VMP1: variants seen among roughly 807,000 people sequenced by gnomAD.
The protein encoded by VMP1 is ectopic P-granules autophagy protein 3 homolog.
VMP1 carries 11 observed loss-of-function variants against 56.0 expected under a neutral mutation model. The ratio of observed to expected loss-of-function variants is 0.20; its 90% CI spans 0.12 to 0.32. The LOEUF is 0.32. Among genes scored for constraint, VMP1 ranks in the 10% least tolerant of loss-of-function variants. The pLI is 1.00. For missense variants in VMP1, 296 were observed against 490.3 expected (o/e 0.60, Z 3.74); for synonymous variants, 149 against 165.0 (o/e 0.90, Z 0.74).
At chr17:59,723,885 G>C (rs1488285688) in intron 1 of VMP1, among the ~76,000 whole-genome samples, 3 of 152,142 alleles carry the variant, frequency 2.0e-5, no homozygotes, top group Non-Finnish European at 2.9e-5. Flanking sequence ...ATAGTAGTGG[G>C]ATTGGTGAAT....
rs190784384 is a variant in VMP1 at position 59,737,335 on chromosome 17, A to C, written c.213-118A>C. ...TCCAAGAGGCCATGATGTGTAAGGA[A>C]AAGAGCTCAGCCCAGCTGAGCTAGG... On this transcript the variant is annotated intron_variant, in intron 3 of 11. Transcript: ENST00000262291. 9.2e-3 allele frequency: 8,438 copies of C among 920,452 alleles called. 65 individuals carry two copies. The highest frequency in any genetic ancestry group is 9.9e-3 in the Non-Finnish European group (6,239 of 631,378). The allele number at this position is 920,452 out of a possible 1,614,324, so 57.0% of individuals were successfully genotyped here. A position where few individuals can be genotyped will look rare whatever the true frequency, so the allele number is the denominator to read the frequency against.
At chr17:59,749,605 G>A (rs1341816541) in intron 5 of VMP1, among the ~76,000 whole-genome samples, 1 of 151,852 alleles carries the variant, frequency 6.6e-6, no homozygotes, top group African/African-American at 2.4e-5. Flanking sequence ...CCACCTCGTG[G>A]GTTCAAGTGA....
intron 7 of VMP1, among the ~76,000 whole-genome samples, chr17:59,779,655 A>G (rs1194752205): frequency 2.6e-5 from 4 of 152,140 alleles, no homozygotes; most frequent in Admixed American, 1.3e-4. Context: ...CCAGTTGTGT[A>G]TTACTGAGTA....
chr17:59,768,908 G>A (rs111879183), intron 6 of VMP1, among the ~76,000 whole-genome samples: 18,475 of 151,852 alleles, frequency 0.12, 1,243 homozygotes, highest in Middle Eastern at 0.24. Context: ...CTCACTTGAG[G>A]TCAGGTGTTC....
rs910444975 is a variant in VMP1, at chr17:59,840,693, T to A, written c.*782T>A. 6.6e-6 allele frequency: 1 copy of A among 152,516 alleles called. No individual in the cohort carries two copies. The highest frequency in any genetic ancestry group is 2.4e-5 in the African/African-American group (1 of 41,472). The allele number at this position is 152,516 out of a possible 1,614,324, so 9.4% of individuals were successfully genotyped here. A position where few individuals can be genotyped will look rare whatever the true frequency, so the allele number is the denominator to read the frequency against. ...CACCTACAACAAGAATTTCTTAAGC[T>A]TTCTTTTATTTGCATGAGAGAGCCA... On this transcript the variant is annotated 3_prime_UTR_variant, in exon 12 of 12. Coordinates refer to ENST00000262291, the MANE Select transcript of VMP1 (RefSeq NM_030938.5).
At position 59,796,406 on chromosome 17, in the gene VMP1, CAT is replaced by C. The variant is rs147339199; in HGVS notation, c.715-12386_715-12385del. Reference sequence around the variant, plus strand: ...TGGCATGTAGTAAACACTTTTTAAACATATACGGAATGAATGTATGAACGAAT... The same window carrying C: ...TGGCATGTAGTAAACACTTTTTAAACATACGGAATGAATGTATGAACGAAT... On this transcript the variant is annotated intron_variant, in intron 7 of 11. Coordinates refer to ENST00000262291, the MANE Select transcript of VMP1 (RefSeq NM_030938.5). Among the ~76,000 whole-genome samples, 1,040 of 152,288 alleles carry C rather than the reference CAT, an allele frequency of 6.8e-3. 12 individuals are homozygous for C. The highest frequency in any genetic ancestry group is 0.014 in the South Asian group (67 of 4,828).
chr17:59,830,158 C>T (rs1376554950), intron 10 of VMP1, among the ~76,000 whole-genome samples: 3 of 152,158 alleles, frequency 2.0e-5, no homozygotes, highest in Admixed American at 2.0e-4. Context: ...GTTGCCCAGG[C>T]TGGAGCAACA....
intron 7 of VMP1, among the ~76,000 whole-genome samples, chr17:59,790,565 G>A (rs1319018157): frequency 6.6e-6 from 1 of 152,162 alleles, no homozygotes; most frequent in African/African-American, 2.4e-5. Flanking sequence ...CGAGGCAGGT[G>A]GATCACTTGA....
intron 1 of VMP1, among the ~76,000 whole-genome samples, chr17:59,721,631 C>T (rs1191341530): frequency 6.6e-6 from 1 of 151,918 alleles, no homozygotes; most frequent in Non-Finnish European, 1.5e-5. Flanking sequence ...TGTATGTAAT[C>T]CCAGCACTTT....
chr17:59,731,750 G>C (rs2034832504), intron 2 of VMP1, among the ~76,000 whole-genome samples: 1 of 152,154 alleles, frequency 6.6e-6, no homozygotes, highest in South Asian at 2.1e-4. Flanking sequence ...ATTATTACTT[G>C]TTAATCTTAT....
intron 7 of VMP1, among the ~76,000 whole-genome samples, chr17:59,778,900 C>T (rs548570074): frequency 6.6e-6 from 1 of 152,346 alleles, no homozygotes; most frequent in Non-Finnish European, 1.5e-5. Context: ...TGGTACCATA[C>T]TCTCACACAA....
At chr17:59,790,217 C>T (rs1444112513) in intron 7 of VMP1, among the ~76,000 whole-genome samples, 2 of 152,052 alleles carry the variant, frequency 1.3e-5, no homozygotes, top group African/African-American at 2.4e-5. Context: ...TTTGCTATCT[C>T]AGGTCTTACA....
chr17:59,788,021 A>G (rs1427443248), intron 7 of VMP1, among the ~76,000 whole-genome samples: 1 of 152,206 alleles, frequency 6.6e-6, no homozygotes, highest in Non-Finnish European at 1.5e-5. Flanking sequence ...CCATGCTGTC[A>G]GTCATCAAAC....
intron 7 of VMP1, among the ~76,000 whole-genome samples, chr17:59,786,571 G>C (rs1389749052): frequency 6.6e-6 from 1 of 152,178 alleles, no homozygotes; most frequent in Non-Finnish European, 1.5e-5. Flanking sequence ...ACCTGTTTTT[G>C]ACTCTGATGA....
At chr17:59,742,578 T>C (rs1195106181) in intron 5 of VMP1, among the ~76,000 whole-genome samples, 1 of 150,626 alleles carries the variant, frequency 6.6e-6, no homozygotes, top group East Asian at 1.9e-4. Flanking sequence ...TCAGTGTAGT[T>C]TTAGGTTTAC....
Position 59,751,744 on chromosome 17 carries a change from C to CAA in VMP1, c.414+12820_414+12821dup, listed in dbSNP as rs932086949. On this transcript the variant is annotated intron_variant, in intron 5 of 11. Coordinates refer to ENST00000262291, the MANE Select transcript of VMP1 (RefSeq NM_030938.5). The stretch of plus-strand genomic sequence containing the variant: ...GGGCAACAAGAGCAAAACTCCGTCT[C>CAA]AAAAAAAAAAAAAAAAAAAAAAAAG... 7.1e-3 allele frequency among the ~76,000 whole-genome samples: 291 copies of CAA among 41,130 alleles called. 4 individuals carry two copies. Among genetic ancestry groups the CAA allele is most frequent in the East Asian group, 9.0e-3 (12 of 1,332 alleles). 27.0% of individuals were successfully genotyped at this position (41,130 alleles called of 152,430 possible).
intron 7 of VMP1, among the ~76,000 whole-genome samples, chr17:59,783,640 C>T (rs2036902150): frequency 1.3e-5 from 2 of 152,168 alleles, no homozygotes; most frequent in African/African-American, 2.4e-5. Context: ...TCCTAACAAT[C>T]GCTTTGGGTC....
chr17:59,761,224 C>G (rs916369689), intron 5 of VMP1, among the ~76,000 whole-genome samples: 2 of 152,144 alleles, frequency 1.3e-5, no homozygotes, highest in African/African-American at 2.4e-5. Flanking sequence ...TTCTTTGTGT[C>G]GATCCTGACT....
chr17:59,737,041 A>T (rs2143828365), intron 3 of VMP1, among the ~76,000 whole-genome samples: 1 of 152,348 alleles, frequency 6.6e-6, no homozygotes, highest in East Asian at 1.9e-4. Flanking sequence ...TCTCAAAAAA[A>T]AATAAAAATA....
Sources: allele counts gnomAD v4.1 joint callset (sites outside exome capture counted in the v4.1 genomes callset), GRCh38; gene constraint gnomAD v4.1.1; transcripts MANE v1.5; gene names NCBI Gene and HGNC (gene_info 2026-07-23, HGNC 2026-07-21).